KPNA6: variants seen among roughly 807,000 people sequenced by gnomAD.
The protein encoded by KPNA6 is importin subunit alpha-7.
Under a neutral mutation model 72.0 loss-of-function variants are expected in KPNA6, and 9 were observed. The observed-to-expected ratio is 0.13, with a 90% CI of 0.08 to 0.22. KPNA6 has a LOEUF of 0.22. Ranked by LOEUF, KPNA6 falls within the 10% of genes least tolerant of loss-of-function variation. KPNA6 has a pLI of 1.00. For missense variants in KPNA6, 374 were observed against 655.7 expected (o/e 0.57, Z 4.69); for synonymous variants, 219 against 242.1 (o/e 0.90, Z 0.89).
Position 32,147,818 on chromosome 1 carries a change from C to T in KPNA6, c.5-6770C>T, listed in dbSNP as rs7511720. ...GGGATTACAGACATACACCACCATG[C>T]CCAGCTAATTTTTGTACTTTTTGTA... On this transcript the variant is annotated intron_variant, in intron 1 of 13. Coordinates refer to ENST00000373625, the MANE Select transcript of KPNA6 (RefSeq NM_012316.5). Among the ~76,000 whole-genome samples, 1,441 of 151,746 alleles carry T rather than the reference C, an allele frequency of 9.5e-3. 19 individuals carry two copies. Among genetic ancestry groups the T allele is most frequent in the African/African-American group, 0.032 (1,326 of 41,362 alleles).
At chr1:32,148,705 C>T (rs994869508) in intron 1 of KPNA6, among the ~76,000 whole-genome samples, 8 of 149,590 alleles carry the variant, frequency 5.3e-5, no homozygotes, top group Non-Finnish European at 7.4e-5. Context: ...TACAGGCGCA[C>T]GCCACCACGC....
chr1:32,113,979 T>C (rs1641283651), intron 1 of KPNA6, among the ~76,000 whole-genome samples: 1 of 152,190 alleles, frequency 6.6e-6, no homozygotes, highest in African/African-American at 2.4e-5. Context: ...CTTAAAGTCA[T>C]CCGTGAGGGT....
Position 32,170,855 on chromosome 1 carries a change from C to T in KPNA6, c.1572C>T (p.Phe524=). The change falls in exon 14 of 14, where the codon TTC becomes TTT. Residue 524 remains phenylalanine, a synonymous_variant. Transcript: ENST00000373625. ...ATGAAACGCAACAGCAGTTCATCTT[C>T]CAGCAGCCTGAGGCCCCCATGGAGG... ...QVDETQQQFI[F]QQPEAPMEGF... 1 of 1,614,218 alleles carries T rather than the reference C, an allele frequency of 6.2e-7. No individual in the cohort carries two copies. The highest frequency in any genetic ancestry group is 1.3e-5 in the African/African-American group (1 of 75,048).
chr1:32,167,303 C>G lies in KPNA6; in HGVS notation c.1244+7C>G. On this transcript the variant is annotated splice_region_variant and intron_variant, in intron 12 of 13. Coordinates refer to ENST00000373625, the MANE Select transcript of KPNA6 (RefSeq NM_012316.5). Reference sequence around the variant, plus strand: ...GAACCCCTGAGCAGATCAGGTATTACATTCCTTTCCCGTTGTCTTGAATGA... The same window carrying G: ...GAACCCCTGAGCAGATCAGGTATTAGATTCCTTTCCCGTTGTCTTGAATGA... 6.2e-7 allele frequency: 1 copy of G among 1,613,974 alleles called. No individual in the cohort carries two copies. Among genetic ancestry groups the G allele is most frequent in the South Asian group, 1.1e-5 (1 of 91,080 alleles).
Position 32,154,722 on chromosome 1 carries a change from GTGAGT to G in KPNA6, c.138+3_138+7del. ...CCGGAAGCAGAAGCGAGAGCAACAA[GTGAGT>G]TAATGGGAGTATTCTCAAACATACT... On this transcript the variant is annotated splice_donor_variant and splice_donor_5th_base_variant and intron_variant, in intron 2 of 13. Transcript: ENST00000373625. LOFTEE classifies it high-confidence loss of function. 2 of 1,613,900 alleles carry G rather than the reference GTGAGT, an allele frequency of 1.2e-6. No individual in the cohort carries two copies. The highest frequency in any genetic ancestry group is 1.7e-6 in the Non-Finnish European group (2 of 1,179,926).
At chr1:32,160,916 G>C (rs1328983869) in intron 7 of KPNA6, among the ~76,000 whole-genome samples, 2 of 152,200 alleles carry the variant, frequency 1.3e-5, no homozygotes, top group African/African-American at 2.4e-5. Flanking sequence ...CAGCACTTTG[G>C]TAGGCCAGAG....
chr1:32,170,213 G>T (rs930292174), intron 13 of KPNA6, among the ~76,000 whole-genome samples, 153 bp downstream of exon 13: 27 of 152,286 alleles, frequency 1.8e-4, no homozygotes, highest in South Asian at 4.1e-4. Flanking sequence ...AAGAGCTCCT[G>T]CCCTAGCCAA....
intron 1 of KPNA6, among the ~76,000 whole-genome samples, chr1:32,149,507 T>C (rs370971100): frequency 6.6e-6 from 1 of 152,188 alleles, no homozygotes; most frequent in Non-Finnish European, 1.5e-5. Flanking sequence ...ATTATAGGCT[T>C]GAGCTACCAC....
intron 1 of KPNA6, among the ~76,000 whole-genome samples, chr1:32,148,266 G>A (rs1641966524): frequency 6.6e-6 from 1 of 151,832 alleles, no homozygotes; most frequent in Non-Finnish European, 1.5e-5. Flanking sequence ...CACCATGCCT[G>A]GCTAATTGGT....
chr1:32,142,823 C>A, intron 1 of KPNA6: 1 of 539,488 alleles, frequency 1.9e-6, no homozygotes, highest in Non-Finnish European at 2.9e-6. Context: ...TGTGCTTGTG[C>A]AGATGTTCCT....
chr1:32,159,156 A>G (rs567055940), intron 5 of KPNA6, among the ~76,000 whole-genome samples: 4 of 152,304 alleles, frequency 2.6e-5, no homozygotes, highest in East Asian at 1.9e-4. Flanking sequence ...TGGAAGCCCA[A>G]TGTCTTATTC....
intron 1 of KPNA6, among the ~76,000 whole-genome samples, chr1:32,154,150 A>G (rs1413163774): frequency 6.6e-6 from 1 of 152,092 alleles, no homozygotes; most frequent in East Asian, 1.9e-4. Context: ...CTGTCTCAAA[A>G]AAAAAAAACA....
intron 1 of KPNA6, among the ~76,000 whole-genome samples, chr1:32,128,426 T>TATATATAC (rs1491304508): frequency 2.4e-3 from 234 of 99,036 alleles, no homozygotes; most frequent in Middle Eastern, 0.01. Context: ...TATATATATA[T>TATATATAC]ACACACACAC....
At chr1:32,153,934 G>T (rs1241336074) in intron 1 of KPNA6, among the ~76,000 whole-genome samples, 3 of 152,100 alleles carry the variant, frequency 2.0e-5, no homozygotes, top group Non-Finnish European at 4.4e-5. Flanking sequence ...ATCACCTGAG[G>T]TCAGGAGTTT....
At chr1:32,166,405 T>C (rs2124090804) in intron 11 of KPNA6, among the ~76,000 whole-genome samples, 175 bp downstream of exon 11, 1 of 152,078 alleles carries the variant, frequency 6.6e-6, no homozygotes, top group African/African-American at 2.4e-5. Context: ...GGTGGGCAGA[T>C]CATGAGGTCA....
At chr1:32,128,741 T>G (rs1641585916) in intron 1 of KPNA6, among the ~76,000 whole-genome samples, 1 of 152,074 alleles carries the variant, frequency 6.6e-6, no homozygotes, top group Non-Finnish European at 1.5e-5. Context: ...GAGAGCCTCA[T>G]GCTGCCAGAT....
chr1:32,116,215 T>G (rs1641325607), intron 1 of KPNA6, among the ~76,000 whole-genome samples: 1 of 151,120 alleles, frequency 6.6e-6, no homozygotes, highest in Admixed American at 6.6e-5. Context: ...AGACAGAGGC[T>G]GGAGTGCAGT....
intron 1 of KPNA6, among the ~76,000 whole-genome samples, chr1:32,151,886 C>G (rs2124049590): frequency 1.3e-5 from 2 of 152,312 alleles, no homozygotes; most frequent in African/African-American, 4.8e-5. Context: ...TAACAAACTT[C>G]TATTCACAGT....
chr1:32,135,083 TACAG>T (rs1270540992), intron 1 of KPNA6, among the ~76,000 whole-genome samples: 1 of 151,864 alleles, frequency 6.6e-6, no homozygotes, highest in East Asian at 1.9e-4. Flanking sequence ...TTTATTTATT[TACAG>T]ACAGAGTTTC....
Sources: allele counts gnomAD v4.1 joint callset (sites outside exome capture counted in the v4.1 genomes callset), GRCh38; gene constraint gnomAD v4.1.1; transcripts MANE v1.5; gene names NCBI Gene and HGNC (gene_info 2026-07-23, HGNC 2026-07-21).